Variants in GRHL2 observed in about 807,000 individuals in gnomAD.
The protein encoded by GRHL2 is grainyhead-like protein 2 homolog.
A neutral mutation model predicts 83.8 loss-of-function variants in GRHL2; 21 were observed. The ratio of observed to expected loss-of-function variants is 0.25; its 90% CI spans 0.18 to 0.36. The LOEUF is 0.36. Among genes scored for constraint, GRHL2 ranks in the 10% least tolerant of loss-of-function variants. The probability of loss-of-function intolerance (pLI) is 1.00; values close to 1 mark genes in which losing one functional copy is unlikely to be tolerated. For synonymous variants in GRHL2, 280 were observed against 278.9 expected, an observed-to-expected ratio of 1.00 and a Z score of -0.04; for missense variants, 623 against 781.8, an observed-to-expected ratio of 0.80 and a Z score of 2.42.
At position 101,608,030 on chromosome 8, in the gene GRHL2, T is replaced by C. The variant is rs183220120; in HGVS notation, c.1098+8879T>C. 3.7e-4 allele frequency among the ~76,000 whole-genome samples: 56 copies of C among 152,366 alleles called. 1 individual carries two copies. In the East Asian group the frequency reaches 0.01, roughly 28 times the overall value. On this transcript the variant is annotated intron_variant, in intron 8 of 15. Transcript: ENST00000646743. ...CTATTGTATTGTGCAGAGAATTAGA[T>C]TGCATACTTGGATTTCATAAAATGA...
chr8:101,543,071 T>TA (rs1345754381), intron 1 of GRHL2, among the ~76,000 whole-genome samples, 170 bp from the exon 2 acceptor site: 1 of 152,220 alleles, frequency 6.6e-6, no homozygotes, highest in African/African-American at 2.4e-5. Flanking sequence ...TCATAGACAG[T>TA]AAAAAAATAA....
Position 101,511,908 on chromosome 8 carries a change from A to C in GRHL2, c.20+19119A>C, listed in dbSNP as rs142665029. 1.5e-3 allele frequency among the ~76,000 whole-genome samples: 222 copies of C among 152,294 alleles called. 2 individuals carry two copies. The highest frequency in any genetic ancestry group is 4.9e-3 in the African/African-American group (203 of 41,588). On this transcript the variant is annotated intron_variant, in intron 1 of 15. Coordinates refer to ENST00000646743, the MANE Select transcript of GRHL2 (RefSeq NM_024915.4). ...AATTGTTTTTCTAGATGGCCAAACT[A>C]TTCTGCCAATGCCATTTATTAAGCA...
intron 15 of GRHL2, among the ~76,000 whole-genome samples, chr8:101,666,297 G>A (rs1028265922): frequency 6.6e-6 from 1 of 152,178 alleles, no homozygotes; most frequent in African/African-American, 2.4e-5. Context: ...ATCAGTAACT[G>A]TGATTCTGGG....
chr8:101,553,485 C>T (rs1015460350), intron 3 of GRHL2, among the ~76,000 whole-genome samples: 1 of 152,186 alleles, frequency 6.6e-6, no homozygotes, highest in Non-Finnish European at 1.5e-5. Context: ...CCAGGCATGA[C>T]TTTGTACCGT....
At chr8:101,625,878 A>G (rs560131366) in intron 9 of GRHL2, among the ~76,000 whole-genome samples, 15 of 152,136 alleles carry the variant, frequency 9.9e-5, no homozygotes, top group African/African-American at 3.6e-4. Flanking sequence ...ACATCCTGAT[A>G]TTAAGGGTTG....
intron 1 of GRHL2, among the ~76,000 whole-genome samples, chr8:101,522,090 T>C (rs1272767524): frequency 6.6e-6 from 1 of 152,152 alleles, no homozygotes; most frequent in Non-Finnish European, 1.5e-5. Flanking sequence ...TGCAAAGCAC[T>C]AAAGATTTTT....
intron 1 of GRHL2, among the ~76,000 whole-genome samples, chr8:101,539,635 A>G (rs991095514): frequency 6.6e-6 from 1 of 152,232 alleles, no homozygotes; most frequent in Non-Finnish European, 1.5e-5. Flanking sequence ...TTATCATTAG[A>G]TTAAATATGT....
chr8:101,647,322 G>A (rs370198149), intron 13 of GRHL2, among the ~76,000 whole-genome samples: 37 of 152,264 alleles, frequency 2.4e-4, no homozygotes, highest in South Asian at 2.1e-3. Flanking sequence ...CTGAGATCAC[G>A]CCACTGCACT....
intron 8 of GRHL2, among the ~76,000 whole-genome samples, chr8:101,604,702 CT>C (rs1409389202): frequency 1.3e-5 from 2 of 152,114 alleles, no homozygotes; most frequent in Non-Finnish European, 2.9e-5. Flanking sequence ...TTCCATGAAG[CT>C]TTTTTTAAAT....
chr8:101,498,619 A>G (rs991911384), intron 1 of GRHL2, among the ~76,000 whole-genome samples: 4 of 152,206 alleles, frequency 2.6e-5, no homozygotes, highest in Admixed American at 2.0e-4. Flanking sequence ...GTTGGCCTAC[A>G]GCGAGGGTCT....
At position 101,570,382 on chromosome 8, in the gene GRHL2, A is replaced by T. The variant is rs745582416; in HGVS notation, c.722A>T (p.Asp241Val). Residue 241 changes from aspartate to valine, a missense_variant, in exon 5 of 16, where the codon GAT (aspartate) becomes GTT (valine). Asp to Val is a radical substitution (Grantham distance 152). Around this residue, in one of 8 missense-constraint regions of GRHL2, gnomAD observed 239 missense variants for 240.5 expected, o/e 0.99. Coordinates refer to ENST00000646743, the MANE Select transcript of GRHL2 (RefSeq NM_024915.4). ...GTTGGGGCTGAGGAGTACATGTATG[A>T]TCAGACATCAAGGTGAGTTACCAGG... ...ASVGAEEYMY[D>V]QTSSGTFQYT... 6.2e-7 allele frequency: 1 copy of T among 1,613,874 alleles called. No individual in the cohort carries two copies. The highest frequency in any genetic ancestry group is 8.5e-7 in the Non-Finnish European group (1 of 1,179,762).
intron 12 of GRHL2, among the ~76,000 whole-genome samples, chr8:101,641,452 C>G (rs754261892): frequency 1.4e-4 from 21 of 152,140 alleles, no homozygotes; most frequent in Non-Finnish European, 2.2e-4. Context: ...TGAGCACCTC[C>G]TCAGTAGGCA....
intron 8 of GRHL2, among the ~76,000 whole-genome samples, chr8:101,619,175 C>G (rs979592865): frequency 1.3e-5 from 2 of 152,016 alleles, no homozygotes; most frequent in African/African-American, 4.8e-5. Context: ...ATGGCGTGAA[C>G]CTGGGAGGGG....
At chr8:101,578,007 A>G (rs496887) in intron 7 of GRHL2, among the ~76,000 whole-genome samples, 124,535 of 152,110 alleles carry the variant, frequency 0.82, 53,636 homozygotes, top group Non-Finnish European at 0.96. Context: ...GTGGTCACGC[A>G]AGTGAACCAT....
At chr8:101,603,647 T>G (rs1812563984) in intron 8 of GRHL2, among the ~76,000 whole-genome samples, 1 of 152,236 alleles carries the variant, frequency 6.6e-6, no homozygotes, top group African/African-American at 2.4e-5. Flanking sequence ...CTGGCAGAAC[T>G]ATTGCAGAGT....
chr8:101,538,829 G>A (rs1811095288), intron 1 of GRHL2, among the ~76,000 whole-genome samples: 1 of 152,182 alleles, frequency 6.6e-6, no homozygotes, highest in Non-Finnish European at 1.5e-5. Context: ...AATTTGTGAA[G>A]AGAAAACCAA....
At chr8:101,652,355 TGTG>T (rs1486408892) in intron 14 of GRHL2, among the ~76,000 whole-genome samples, 2 of 87,868 alleles carry the variant, frequency 2.3e-5, no homozygotes, top group Non-Finnish European at 4.2e-5. Flanking sequence ...GTGTGGTGTG[TGTG>T]GTGTGTGTGT....
At chr8:101,552,118 CAAT>C (rs935303542) in intron 2 of GRHL2, among the ~76,000 whole-genome samples, 13 of 152,036 alleles carry the variant, frequency 8.6e-5, no homozygotes, top group African/African-American at 3.1e-4. Flanking sequence ...AGTTTTAAGA[CAAT>C]AATGAAAGTG....
intron 12 of GRHL2, among the ~76,000 whole-genome samples, chr8:101,642,865 G>A (rs140288134): frequency 3.2e-4 from 49 of 152,210 alleles, no homozygotes; most frequent in African/African-American, 1.1e-3. Context: ...CACTTAACTC[G>A]TTGTACCTTT....
Sources: allele counts gnomAD v4.1 joint callset (sites outside exome capture counted in the v4.1 genomes callset), GRCh38; gene constraint gnomAD v4.1.1; regional missense constraint gnomAD v4.1.1; transcripts MANE v1.5; gene names NCBI Gene and HGNC (gene_info 2026-07-23, HGNC 2026-07-21).